The following ANXA5 variants were observed in gnomAD, a reference collection of about 807,000 sequenced individuals.
ANXA5 encodes the protein annexin A5, also known as CBP-I.
A neutral mutation model predicts 48.1 loss-of-function variants in ANXA5; 40 were observed. The ratio of observed to expected loss-of-function variants is 0.83; its 90% CI spans 0.65 to 1.08. The LOEUF is 1.08. ANXA5 is among the 50% of genes least tolerant of loss of function. The probability of loss-of-function intolerance (pLI) is 0.00; values close to 1 mark genes in which losing one functional copy is unlikely to be tolerated. For missense variants in ANXA5, 357 were observed against 376.8 expected (o/e 0.95, Z 0.44); for synonymous variants, 113 against 129.1 (o/e 0.88, Z 0.85).
chr4:121,669,302 G>A (rs41279317), intron 12 of ANXA5: 40,956 of 248,164 alleles, frequency 0.17, 3,585 homozygotes, highest in Non-Finnish European at 0.19. Flanking sequence ...ATAAAAGACA[G>A]AAAGAACACA....
At chr4:121,675,646 C>T (rs1032103181) in intron 8 of ANXA5, among the ~76,000 whole-genome samples, 2 of 152,224 alleles carry the variant, frequency 1.3e-5, no homozygotes, top group African/African-American at 4.8e-5. Context: ...TACAGTCTCA[C>T]ATGTACTCTC....
intron 8 of ANXA5, among the ~76,000 whole-genome samples, 173 bp downstream of exon 8, chr4:121,677,721 G>A (rs976291805): frequency 3.3e-5 from 5 of 152,002 alleles, no homozygotes; most frequent in African/African-American, 1.2e-4. Context: ...ATATTTTGCT[G>A]ACCAGGTCAG....
At chr4:121,668,804 T>C (rs1310304304) in intron 12 of ANXA5, among the ~76,000 whole-genome samples, 1 of 151,886 alleles carries the variant, frequency 6.6e-6, no homozygotes, top group East Asian at 1.9e-4. Context: ...TTGGTATATA[T>C]CAGCTAACAC....
At chr4:121,696,721 C>G in intron 1 of ANXA5, 97 bp from the exon 2 acceptor site, 1 of 750,386 alleles carries the variant, frequency 1.3e-6, no homozygotes, top group Non-Finnish European at 1.9e-6. Flanking sequence ...CTCAGACAGC[C>G]CGGAGGGCCC....
intron 2 of ANXA5, among the ~76,000 whole-genome samples, chr4:121,686,664 C>T (rs1364880284): frequency 6.6e-6 from 1 of 152,130 alleles, no homozygotes; most frequent in Admixed American, 6.5e-5. Flanking sequence ...ACAGAGGGCA[C>T]ATCTTTGCAG....
At chr4:121,676,061 A>C (rs553910811) in intron 8 of ANXA5, among the ~76,000 whole-genome samples, 1 of 152,274 alleles carries the variant, frequency 6.6e-6, no homozygotes, top group South Asian at 2.1e-4. Flanking sequence ...GTGACCCTGA[A>C]AAGCTCCCAG....
chr4:121,688,015 G>C (rs1724922141), intron 2 of ANXA5, among the ~76,000 whole-genome samples: 1 of 152,158 alleles, frequency 6.6e-6, no homozygotes. Context: ...GTAAATAGGA[G>C]GTAGAGCCTT....
At chr4:121,687,177 G>A (rs965631364) in intron 2 of ANXA5, among the ~76,000 whole-genome samples, 1 of 151,808 alleles carries the variant, frequency 6.6e-6, no homozygotes, top group African/African-American at 2.4e-5. Context: ...GCAGGCGCCT[G>A]TAGTCCCAGC....
rs1293735072 is a variant in ANXA5, at chr4:121,694,395, CT to C, written c.9+2185del. 4.0e-5 allele frequency among the ~76,000 whole-genome samples: 6 copies of C among 151,382 alleles called. No homozygotes were observed. The East Asian group carries it at 7.7e-4, about 19-fold the overall frequency. ...CGCCGCACCCAACTTTAATACTAAA[CT>C]TTTTTTTTGAGACGTAGTCTCACTG... On this transcript the variant is annotated intron_variant, in intron 2 of 12. Coordinates refer to ENST00000296511, the MANE Select transcript of ANXA5 (RefSeq NM_001154.4).
chr4:121,680,020 T>TCATCC (rs2110483847), intron 6 of ANXA5, among the ~76,000 whole-genome samples: 1 of 152,330 alleles, frequency 6.6e-6, no homozygotes, highest in South Asian at 2.1e-4. Context: ...CGTGTATGCT[T>TCATCC]TGACCAATAT....
rs561511865 is a variant in ANXA5, at chr4:121,668,205, A to AT, written c.*262_*263insA. The AT allele has an allele frequency of 4.5e-3, 1,392 of 307,126 alleles. 7 individuals are homozygous for AT. Among genetic ancestry groups the AT allele is most frequent in the South Asian group, 1.0e-2 (92 of 9,218 alleles). The allele number at this position is 307,126 out of a possible 1,614,324, so 19.0% of individuals were successfully genotyped here. On this transcript the variant is annotated 3_prime_UTR_variant, in exon 13 of 13. Transcript: ENST00000296511. ...CTAAAAGCACTCTAGCCTCTTAAAA[A>AT]ATATATATAAATGGAAAATGGCCAG...
At chr4:121,682,004 T>C (rs932656003) in intron 5 of ANXA5, among the ~76,000 whole-genome samples, 30 of 152,210 alleles carry the variant, frequency 2.0e-4, no homozygotes, top group Admixed American at 1.8e-3. Flanking sequence ...TATGTGTGTA[T>C]ATATGTGTAC....
intron 3 of ANXA5, among the ~76,000 whole-genome samples, chr4:121,685,697 T>C (rs1440079123): frequency 2.0e-5 from 3 of 152,000 alleles, no homozygotes; most frequent in Non-Finnish European, 4.4e-5. Context: ...GATGAGAGGT[T>C]TTTAAATGAC....
intron 6 of ANXA5, among the ~76,000 whole-genome samples, chr4:121,680,319 G>A (rs36067198): frequency 0.21 from 31,820 of 151,912 alleles, 4,082 homozygotes; most frequent in Non-Finnish European, 0.29. Context: ...TCTGTCAATG[G>A]ACACTTTGTA....
intron 1 of ANXA5, 55 bp downstream of exon 1, chr4:121,696,808 G>T (rs927675232): frequency 5.2e-6 from 2 of 385,336 alleles, no homozygotes; most frequent in Middle Eastern, 1.3e-3. Context: ...CCAGTGCCCC[G>T]CGACCACGCT....
At position 121,668,575 on chromosome 4, in the gene ANXA5, A is replaced by G. The variant is rs762504650; in HGVS notation, c.904-48T>C. 3 of 1,563,386 alleles carry G rather than the reference A, an allele frequency of 1.9e-6. No homozygotes were observed. The East Asian group carries it at 6.7e-5, about 35-fold the overall frequency. The stretch of plus-strand genomic sequence containing the variant: ...AACCTCCATGACTCACAGAAGCCAT[A>G]GAAAATTTTAAAACTAAATAACTGG... On this transcript the variant is annotated intron_variant, in intron 12 of 12. Transcript: ENST00000296511.
At position 121,694,014 on chromosome 4, in the gene ANXA5, T is replaced by C. The variant is rs1295521234; in HGVS notation, c.9+2567A>G. ...CTGATCAAACCTTGTAACTTAAACA[T>C]ATACCATAGAGATAATTCTGATGTT... On this transcript the variant is annotated intron_variant, in intron 2 of 12. Coordinates refer to ENST00000296511, the MANE Select transcript of ANXA5 (RefSeq NM_001154.4). Among the ~76,000 whole-genome samples, 12 of 143,652 alleles carry C rather than the reference T, an allele frequency of 8.4e-5. No individual in the cohort carries two copies. The East Asian group carries it at 2.5e-3, about 30-fold the overall frequency. The allele number at this position is 143,652 out of a possible 152,430, so 94.2% of individuals were successfully genotyped here.
Position 121,668,341 on chromosome 4 carries a change from G to A in ANXA5, c.*127C>T, listed in dbSNP as rs1724554670. 1.1e-5 allele frequency: 8 copies of A among 761,366 alleles called. No individual in the cohort carries two copies. The highest frequency in any genetic ancestry group is 6.6e-5 in the Admixed American group (3 of 45,444). 47.2% of individuals were successfully genotyped at this position (761,366 alleles called of 1,614,324 possible). A position where few individuals can be genotyped will look rare whatever the true frequency, so the allele number is the denominator to read the frequency against. On this transcript the variant is annotated 3_prime_UTR_variant, in exon 13 of 13. Transcript: ENST00000296511. Reference sequence around the variant, plus strand: ...TTTTCTTCTATGACGTGTATGTGTTGGTCATGAGCATGCTAGTATGAATAA... The same window carrying A: ...TTTTCTTCTATGACGTGTATGTGTTAGTCATGAGCATGCTAGTATGAATAA...
At chr4:121,679,678 G>A (rs1724757195) in intron 6 of ANXA5, among the ~76,000 whole-genome samples, 2 of 152,132 alleles carry the variant, frequency 1.3e-5, no homozygotes, top group South Asian at 4.1e-4. Flanking sequence ...AAGACAGGCA[G>A]TACCTCACCC....
Sources: gnomAD v4.1 joint callset for allele counts (sites outside exome capture counted in the v4.1 genomes callset) on GRCh38, gnomAD v4.1.1 for gene constraint, MANE v1.5 for transcripts, NCBI Gene and HGNC (gene_info 2026-07-23, HGNC 2026-07-21) for gene names.